The following GPC6 variants were observed in gnomAD, a reference collection of about 807,000 sequenced individuals.
The protein encoded by GPC6 is glypican-6.
GPC6 carries 14 observed loss-of-function variants against 55.2 expected under a neutral mutation model. That is an observed-to-expected ratio of 0.25 (90% CI 0.17 to 0.40). The LOEUF is 0.40. GPC6 is among the 10% of genes least tolerant of loss of function. The probability of loss-of-function intolerance (pLI) is 1.00; values close to 1 mark genes in which losing one functional copy is unlikely to be tolerated. For synonymous variants in GPC6, 278 were observed against 259.6 expected (o/e 1.07, Z -0.68); for missense variants, 641 against 708.5 (o/e 0.90, Z 1.08).
At chr13:94,271,950 A>G (rs546390519) in intron 4 of GPC6, among the ~76,000 whole-genome samples, 9 of 152,204 alleles carry the variant, frequency 5.9e-5, no homozygotes, top group African/African-American at 1.4e-4. Context: ...GAGTTTTTTC[A>G]TTTTTTTAAA....
chr13:93,853,068 T>C (rs1271942493), intron 3 of GPC6, among the ~76,000 whole-genome samples: 1 of 151,742 alleles, frequency 6.6e-6, no homozygotes, highest in African/African-American at 2.4e-5. Context: ...ATGAACATTG[T>C]TCTATGTTTA....
chr13:94,363,042 GCC>G (rs1322206757), intron 6 of GPC6, among the ~76,000 whole-genome samples: 2 of 151,610 alleles, frequency 1.3e-5, no homozygotes, highest in Non-Finnish European at 2.9e-5. Context: ...CCTTCCCCTT[GCC>G]CCCACCCCCC....
chr13:93,827,013 T>G (rs906847801), intron 2 of GPC6, among the ~76,000 whole-genome samples: 3 of 152,076 alleles, frequency 2.0e-5, no homozygotes, highest in Admixed American at 2.0e-4. Context: ...CTAGGAAAGG[T>G]TTTTTGTGCA....
chr13:93,526,124 T>C (rs1881637676), intron 1 of GPC6, among the ~76,000 whole-genome samples: 1 of 152,100 alleles, frequency 6.6e-6, no homozygotes, highest in Admixed American at 6.6e-5. Flanking sequence ...TCCCATACTC[T>C]GATAGCTAAA....
chr13:94,199,817 T>A (rs1047686903), intron 4 of GPC6, among the ~76,000 whole-genome samples: 3 of 152,144 alleles, frequency 2.0e-5, no homozygotes, highest in Non-Finnish European at 4.4e-5. Flanking sequence ...TCATTTGCCC[T>A]CCTTGACCAC....
rs1555304120 is a variant in GPC6, at chr13:94,175,955, TAGAGAGAG to T, written c.878-110363_878-110356del. On this transcript the variant is annotated intron_variant, in intron 4 of 8. Coordinates refer to ENST00000377047, the MANE Select transcript of GPC6 (RefSeq NM_005708.5). ...AATGAGCCATATATATATATATATA[TAGAGAGAG>T]AGAGAGAGAGAGAGAGAGAGAGAGA... 2.0e-3 allele frequency among the ~76,000 whole-genome samples: 154 copies of T among 78,538 alleles called. 1 individual carries two copies. The highest frequency in any genetic ancestry group is 5.7e-3 in the African/African-American group (147 of 25,896). The allele number at this position is 78,538 out of a possible 152,430, so 51.5% of individuals were successfully genotyped here. A position where few individuals can be genotyped will look rare whatever the true frequency, so the allele number is the denominator to read the frequency against.
At chr13:94,068,349 C>G (rs945514005) in intron 4 of GPC6, among the ~76,000 whole-genome samples, 6 of 152,132 alleles carry the variant, frequency 3.9e-5, no homozygotes, top group African/African-American at 1.2e-4. Context: ...TTATCTCCCA[C>G]CAGGTTCCTC....
chr13:93,876,479 G>A (rs1297039596), intron 3 of GPC6, among the ~76,000 whole-genome samples: 1 of 152,048 alleles, frequency 6.6e-6, no homozygotes, highest in Non-Finnish European at 1.5e-5. Context: ...TGGTTTCTCT[G>A]TATGAAAGAC....
At chr13:93,479,362 G>C (rs1164795737) in intron 1 of GPC6, among the ~76,000 whole-genome samples, 1 of 152,168 alleles carries the variant, frequency 6.6e-6, no homozygotes, top group Non-Finnish European at 1.5e-5. Context: ...GCAACATCAA[G>C]CACGATAAAC....
chr13:93,680,910 A>C (rs1293121124), intron 2 of GPC6, among the ~76,000 whole-genome samples: 10 of 152,194 alleles, frequency 6.6e-5, no homozygotes, highest in Non-Finnish European at 5.9e-5. Context: ...GCTATGCTTG[A>C]GGATGATTGC....
chr13:94,351,341 A>C (rs768270664), intron 6 of GPC6, among the ~76,000 whole-genome samples: 29 of 152,098 alleles, frequency 1.9e-4, no homozygotes, highest in Non-Finnish European at 3.8e-4. Context: ...CTGAAAGCAA[A>C]GTATGCCTAG....
intron 2 of GPC6, among the ~76,000 whole-genome samples, chr13:93,690,685 C>A (rs1019832774): frequency 6.6e-6 from 1 of 152,006 alleles, no homozygotes. Context: ...GAATTTCATT[C>A]TCTATGTTAA....
chr13:94,116,171 G>A lies in GPC6; in HGVS notation c.877+88277G>A, dbSNP rs187309288. Among the ~76,000 whole-genome samples the A allele has an allele frequency of 9.6e-4, 146 of 152,132 alleles. 1 individual carries two copies. Among genetic ancestry groups the A allele is most frequent in the Non-Finnish European group, 1.6e-3 (108 of 67,988 alleles). On this transcript the variant is annotated intron_variant, in intron 4 of 8. Transcript: ENST00000377047. ...GTTTACTGGGGAGAGAAGACAAATA[G>A]TTAACTAAATAGTTCCTGGATGCTG...
At chr13:93,872,770 C>A (rs1889167619) in intron 3 of GPC6, among the ~76,000 whole-genome samples, 1 of 151,978 alleles carries the variant, frequency 6.6e-6, no homozygotes, top group African/African-American at 2.4e-5. Flanking sequence ...TTAACAGATT[C>A]CCATGACTAA....
intron 4 of GPC6, among the ~76,000 whole-genome samples, chr13:94,101,894 A>G (rs1167104026): frequency 1.3e-5 from 2 of 151,930 alleles, no homozygotes; most frequent in Non-Finnish European, 1.5e-5. Flanking sequence ...TACCTTTATT[A>G]TGCAAAACAC....
intron 3 of GPC6, among the ~76,000 whole-genome samples, chr13:93,959,496 A>G (rs1933147): frequency 0.23 from 35,471 of 152,050 alleles, 4,714 homozygotes; most frequent in East Asian, 0.39. Context: ...CTTCTTACCC[A>G]ATTGCTCTGG....
At chr13:93,684,346 C>T (rs774686445) in intron 2 of GPC6, among the ~76,000 whole-genome samples, 10 of 151,960 alleles carry the variant, frequency 6.6e-5, no homozygotes, top group Admixed American at 2.6e-4. Flanking sequence ...CCACTACGCC[C>T]GGCTAATTTT....
At chr13:94,254,676 A>G (rs1891452136) in intron 4 of GPC6, among the ~76,000 whole-genome samples, 1 of 150,582 alleles carries the variant, frequency 6.6e-6, no homozygotes, top group South Asian at 2.1e-4. Context: ...GTTTTACTAA[A>G]GAAAAAAAAA....
intron 2 of GPC6, among the ~76,000 whole-genome samples, chr13:93,566,646 A>G (rs1284645260): frequency 6.6e-6 from 1 of 150,808 alleles, no homozygotes; most frequent in African/African-American, 2.5e-5. Context: ...AGCATGTGCC[A>G]TGGTGGTTTG....
Sources: gnomAD v4.1 joint callset for allele counts (sites outside exome capture counted in the v4.1 genomes callset) on GRCh38, gnomAD v4.1.1 for gene constraint, MANE v1.5 for transcripts, NCBI Gene and HGNC (gene_info 2026-07-23, HGNC 2026-07-21) for gene names.